The following FMO1 variants were observed in gnomAD, a reference collection of about 807,000 sequenced individuals.
FMO1 encodes flavin containing dimethylaniline monoxygenase 1, also known as flavin-containing monooxygenase 1.
A neutral mutation model predicts 45.4 loss-of-function variants in FMO1; 36 were observed. The observed-to-expected ratio is 0.79, with a 90% CI of 0.61 to 1.05. The LOEUF (loss-of-function observed/expected upper bound fraction) is 1.05, where lower values mean the gene tolerates loss of function less well. Ranked by LOEUF, FMO1 falls within the 50% of genes least tolerant of loss-of-function variation. The pLI, the probability that FMO1 is intolerant of heterozygous loss-of-function variation, is 0.00. For synonymous variants in FMO1, 228 were observed against 227.2 expected (o/e 1.00, Z -0.03); for missense variants, 615 against 640.3 (o/e 0.96, Z 0.43).
At chr1:171,284,187 A>AC (rs1491489361) in intron 8 of FMO1, among the ~76,000 whole-genome samples, 22 of 91,712 alleles carry the variant, frequency 2.4e-4, no homozygotes, top group Admixed American at 1.7e-3. Flanking sequence ...AAAAAAAAAA[A>AC]CAAAAAACAG....
At chr1:171,278,549 C>G (rs936010373) in intron 4 of FMO1, among the ~76,000 whole-genome samples, 180 bp from the exon 5 acceptor site, 38 of 152,092 alleles carry the variant, frequency 2.5e-4, no homozygotes, top group African/African-American at 8.7e-4. Context: ...AATAACCCCC[C>G]TTAAATAATT....
chr1:171,258,185 G>A lies in FMO1; in HGVS notation c.98G>A (p.Arg33Lys). ...EEGLEPTCFE[R>K]SDDLGGLWRF... ...GGACTGGAGCCCACCTGCTTTGAGA[G>A]GAGCGATGACCTTGGGGGGCTGTGG... is the stretch of plus-strand genomic sequence containing the variant. The change falls in exon 2 of 9, where the codon AGG becomes AAG. Residue 33 changes from arginine (R) to lysine (K), a missense_variant. Arg to Lys is a conservative substitution (Grantham distance 26). Transcript: ENST00000617670. 1 of 1,614,204 alleles carries A rather than the reference G, an allele frequency of 6.2e-7. No homozygotes were observed. The highest frequency in any genetic ancestry group is 8.5e-7 in the Non-Finnish European group (1 of 1,180,034).
intron 3 of FMO1, among the ~76,000 whole-genome samples, chr1:171,274,287 G>A (rs1282539666): frequency 8.7e-5 from 13 of 150,146 alleles, no homozygotes; most frequent in Non-Finnish European, 1.9e-4. Context: ...TTGAGACAAG[G>A]TCTCACTCTG....
chr1:171,271,248 T>A, intron 3 of FMO1: 1 of 1,071,734 alleles, frequency 9.3e-7, no homozygotes, highest in South Asian at 1.4e-5. Context: ...GTTGTTCTCC[T>A]TTAATTTTTG....
intron 3 of FMO1, among the ~76,000 whole-genome samples, chr1:171,271,777 A>G (rs1037104717): frequency 6.6e-6 from 1 of 152,244 alleles, no homozygotes; most frequent in African/African-American, 2.4e-5. Flanking sequence ...ATTTCTAAGC[A>G]GCAAAGCAAT....
chr1:171,276,245 T>G lies in FMO1; in HGVS notation c.484+737T>G, dbSNP rs1661102634. ...CAAGACTCATCTTACCACAATAAAT[T>G]TAGGAGCATGCTATGGTTCTGGATC... On this transcript the variant is annotated intron_variant, in intron 4 of 8. Transcript: ENST00000617670. 2.0e-5 allele frequency among the ~76,000 whole-genome samples: 3 copies of G among 152,156 alleles called. No individual in the cohort carries two copies. The South Asian group carries it at 6.2e-4, about 32-fold the overall frequency.
intron 1 of FMO1, among the ~76,000 whole-genome samples, chr1:171,252,671 C>A (rs74122301): frequency 6.6e-6 from 1 of 152,188 alleles, no homozygotes; most frequent in Non-Finnish European, 1.5e-5. Flanking sequence ...ACTTAACTTA[C>A]AGGGAGGGGC....
intron 1 of FMO1, among the ~76,000 whole-genome samples, chr1:171,254,902 T>C (rs1381182768): frequency 1.3e-5 from 2 of 152,250 alleles, no homozygotes; most frequent in Non-Finnish European, 2.9e-5. Flanking sequence ...CATACTTCTG[T>C]CTTAGCATCT....
intron 2 of FMO1, among the ~76,000 whole-genome samples, chr1:171,262,985 C>T (rs763680699): frequency 6.6e-6 from 1 of 152,074 alleles, no homozygotes; most frequent in Non-Finnish European, 1.5e-5. Flanking sequence ...GAACAGGAGA[C>T]GTGAATGTTG....
At chr1:171,260,116 T>G (rs879323222) in intron 2 of FMO1, among the ~76,000 whole-genome samples, 1 of 152,088 alleles carries the variant, frequency 6.6e-6, no homozygotes, top group Non-Finnish European at 1.5e-5. Flanking sequence ...ACTGGGCATA[T>G]TCAGAAAGTA....
At chr1:171,259,097 A>G (rs1571331673) in intron 2 of FMO1, among the ~76,000 whole-genome samples, 3 of 152,376 alleles carry the variant, frequency 2.0e-5, no homozygotes, top group South Asian at 4.1e-4. Context: ...GCTGTCAGAA[A>G]GAGTGAAAAG....
At chr1:171,280,509 C>CT (rs1661304709) in intron 5 of FMO1, among the ~76,000 whole-genome samples, 1 of 152,182 alleles carries the variant, frequency 6.6e-6, no homozygotes, top group South Asian at 2.1e-4. Context: ...CTTACATAGA[C>CT]TTTAGGTCCC....
chr1:171,259,228 A>G (rs1558005759), intron 2 of FMO1, among the ~76,000 whole-genome samples: 1 of 152,240 alleles, frequency 6.6e-6, no homozygotes, highest in South Asian at 2.1e-4. Flanking sequence ...TTTCTAGCTC[A>G]GTGAGTAAAA....
intron 1 of FMO1, among the ~76,000 whole-genome samples, chr1:171,257,421 C>G (rs1293460918): frequency 1.3e-5 from 2 of 152,140 alleles, no homozygotes; most frequent in African/African-American, 4.8e-5. Flanking sequence ...GCATGCCTAC[C>G]TTTCTACCAC....
intron 5 of FMO1, among the ~76,000 whole-genome samples, chr1:171,280,017 T>C (rs1048268389): frequency 6.6e-6 from 1 of 152,204 alleles, no homozygotes; most frequent in Non-Finnish European, 1.5e-5. Flanking sequence ...GTAAGTAATA[T>C]TGTAATTTGC....
At chr1:171,250,618 T>C (rs1322457283) in intron 1 of FMO1, among the ~76,000 whole-genome samples, 16 of 152,166 alleles carry the variant, frequency 1.1e-4, no homozygotes, top group Non-Finnish European at 1.5e-5. Flanking sequence ...AAAAGCATAG[T>C]AGTTTCTAAC....
chr1:171,278,547 C>A (rs990961065), intron 4 of FMO1, among the ~76,000 whole-genome samples, 182 bp from the exon 5 acceptor site: 2 of 151,956 alleles, frequency 1.3e-5, no homozygotes, highest in African/African-American at 4.8e-5. Flanking sequence ...GTAATAACCC[C>A]CCTTAAATAA....
rs760268680 is a variant in FMO1 at position 171,285,580 on chromosome 1, G to T, written c.*36G>T. ...TCCTAAATGGAAGATGCACAGAGTA[G>T]ATTTACAATGCTCCAATTCCTCTCT... On this transcript the variant is annotated 3_prime_UTR_variant, in exon 9 of 9. Coordinates refer to ENST00000617670, the MANE Select transcript of FMO1 (RefSeq NM_001282693.2). 2 of 1,225,098 alleles carry T rather than the reference G, an allele frequency of 1.6e-6. No homozygotes were observed. The highest frequency in any genetic ancestry group is 3.1e-5 in the African/African-American group (2 of 65,508). 75.9% of individuals were successfully genotyped at this position (1,225,098 alleles called of 1,614,324 possible).
At chr1:171,257,300 T>G (rs367624422) in intron 1 of FMO1, among the ~76,000 whole-genome samples, 16 of 152,216 alleles carry the variant, frequency 1.1e-4, no homozygotes, top group Admixed American at 6.5e-4. Context: ...CACATGTGTG[T>G]TATTAACACA....
Sources: allele counts gnomAD v4.1 joint callset (sites outside exome capture counted in the v4.1 genomes callset), GRCh38; gene constraint gnomAD v4.1.1; transcripts MANE v1.5; gene names NCBI Gene and HGNC (gene_info 2026-07-23, HGNC 2026-07-21).